The following TTBK2 variants were observed in gnomAD, a reference collection of about 807,000 sequenced individuals.
TTBK2 encodes tau-tubulin kinase 2.
Under a neutral mutation model 110.8 loss-of-function variants are expected in TTBK2, and 28 were observed. That is an observed-to-expected ratio of 0.25 (90% CI 0.19 to 0.35). The LOEUF (loss-of-function observed/expected upper bound fraction) is 0.35, where lower values mean the gene tolerates loss of function less well. TTBK2 is among the 10% of genes least tolerant of loss of function. TTBK2 has a pLI of 1.00. For missense variants in TTBK2, 1,369 were observed against 1,500.3 expected, an observed-to-expected ratio of 0.91 and a Z score of 1.45; for synonymous variants, 532 against 527.3, an observed-to-expected ratio of 1.01 and a Z score of -0.12.
chr15:42,895,630 C>T (rs1895636973), intron 1 of TTBK2, among the ~76,000 whole-genome samples: 1 of 151,792 alleles, frequency 6.6e-6, no homozygotes, highest in African/African-American at 2.4e-5. Flanking sequence ...TTCCGCCTCC[C>T]GGGTTCACGC....
At position 42,819,802 on chromosome 15, in the gene TTBK2, C is replaced by T. The variant is rs372129023; in HGVS notation, c.538-2705G>A. 8.5e-5 allele frequency among the ~76,000 whole-genome samples: 13 copies of T among 152,262 alleles called. No individual in the cohort carries two copies. In the South Asian group the frequency reaches 1.9e-3, roughly 22 times the overall value. On this transcript the variant is annotated intron_variant, in intron 6 of 14. Coordinates refer to ENST00000267890, the MANE Select transcript of TTBK2 (RefSeq NM_173500.4). ...ACTATGAATCTTTTTTGGTAAATAA[C>T]GTTTCAGAGGTTGTACTTTTATTCA...
intron 13 of TTBK2, among the ~76,000 whole-genome samples, chr15:42,755,331 A>C (rs913602222): frequency 1.3e-5 from 2 of 152,330 alleles, no homozygotes; most frequent in Non-Finnish European, 2.9e-5. Flanking sequence ...TGGATTAGTC[A>C]TAGGAGATTT....
chr15:42,904,944 T>C (rs1272853738), intron 1 of TTBK2, among the ~76,000 whole-genome samples: 1 of 152,000 alleles, frequency 6.6e-6, no homozygotes, highest in East Asian at 1.9e-4. Flanking sequence ...CAATCTCGGC[T>C]CACTGCAACC....
intron 1 of TTBK2, among the ~76,000 whole-genome samples, chr15:42,910,707 T>A (rs1468238072): frequency 6.6e-6 from 1 of 152,110 alleles, no homozygotes; most frequent in African/African-American, 2.4e-5. Flanking sequence ...TGAGAACACA[T>A]AATACAAAAA....
chr15:42,772,681 C>T (rs1337792570), intron 13 of TTBK2, among the ~76,000 whole-genome samples: 1 of 152,144 alleles, frequency 6.6e-6, no homozygotes, highest in Non-Finnish European at 1.5e-5. Context: ...TACAGTGGCT[C>T]ATGTCTATAA....
intron 9 of TTBK2, chr15:42,802,395 C>T: frequency 1.3e-6 from 1 of 753,488 alleles, no homozygotes; most frequent in Non-Finnish European, 2.4e-6. Flanking sequence ...TCCGGGTCAC[C>T]CTGATGGACA....
Position 42,754,550 on chromosome 15 carries a change from C to A in TTBK2, c.1999-1303G>T, listed in dbSNP as rs1403896755. On this transcript the variant is annotated intron_variant, in intron 13 of 14. Coordinates refer to ENST00000267890, the MANE Select transcript of TTBK2 (RefSeq NM_173500.4). ...TATCTGGGATTACAGGTGCCCACCA[C>A]TATGCCCAGCTAATTTCTGTATTTT... Among the ~76,000 whole-genome samples the A allele has an allele frequency of 3.3e-5, 5 of 151,508 alleles. No individual in the cohort carries two copies. The East Asian group carries it at 9.9e-4, about 30-fold the overall frequency.
At chr15:42,777,543 G>A (rs1730128612) in intron 11 of TTBK2, among the ~76,000 whole-genome samples, 1 of 152,178 alleles carries the variant, frequency 6.6e-6, no homozygotes, top group African/African-American at 2.4e-5. Flanking sequence ...CATGAGGCTT[G>A]TAGTATCCCA....
In TTBK2 at chr15:42,741,871, G is replaced by C. The variant is rs1159931134; in HGVS notation, c.*3924C>G. Reference sequence around the variant, plus strand: ...TTCCTAATGTTAGGAATGTAGAACTGTCTGCTCTTGGGGAAAAAAAAAGCA... The same window carrying C: ...TTCCTAATGTTAGGAATGTAGAACTCTCTGCTCTTGGGGAAAAAAAAAGCA... On this transcript the variant is annotated 3_prime_UTR_variant, in exon 15 of 15. Coordinates refer to ENST00000267890, the MANE Select transcript of TTBK2 (RefSeq NM_173500.4). 1 of 152,020 alleles carries C rather than the reference G, an allele frequency of 6.6e-6. No homozygotes were observed. Among genetic ancestry groups the C allele is most frequent in the Non-Finnish European group, 1.5e-5 (1 of 68,018 alleles). The allele number at this position is 152,020 out of a possible 1,614,324, so 9.4% of individuals were successfully genotyped here. A position where few individuals can be genotyped will look rare whatever the true frequency, so the allele number is the denominator to read the frequency against.
At position 42,745,934 on chromosome 15, in the gene TTBK2, G is replaced by C. The variant is rs375039510; in HGVS notation, c.3596C>G (p.Ser1199Cys). The C allele has an allele frequency of 1.9e-6, 3 of 1,614,122 alleles. No homozygotes were observed. The change falls in exon 15 of 15, where the codon TCC (serine) becomes TGC (cysteine). Residue 1199 changes from serine (S) to cysteine (C), a missense_variant. Physicochemically the swap from Ser to Cys is moderately radical, Grantham distance 112. This residue lies in a region of TTBK2 where 1,097 missense variants were observed against 1,114.7 expected (regional missense o/e 0.98). Transcript: ENST00000267890. Reference protein sequence around the residue: ...KSPPSHSGSSSSRRSCQQEHC... With the variant: ...KSPPSHSGSSCSRRSCQQEHC... ...CTCCTGTTGGCAGGACCTCCTGGAGGAGGAAGATCCTGAGTGGCTGGGAGG... is the reference window on the plus strand; with the variant it reads ...CTCCTGTTGGCAGGACCTCCTGGAGCAGGAAGATCCTGAGTGGCTGGGAGG...
intron 14 of TTBK2, among the ~76,000 whole-genome samples, chr15:42,748,597 G>A (rs1479684760): frequency 6.6e-6 from 1 of 151,996 alleles, no homozygotes; most frequent in Non-Finnish European, 1.5e-5. Context: ...AATTCTTGTA[G>A]AGATGAGGTT....
chr15:42,875,905 CAAAAAAAAAAAAAA>C (rs57982301), intron 2 of TTBK2, among the ~76,000 whole-genome samples: 13 of 56,880 alleles, frequency 2.3e-4, no homozygotes, highest in Admixed American at 4.5e-4. Flanking sequence ...GACTCCGTCT[CAAAAAAAAAAAAAA>C]AAAAAAAAGA....
rs1891942970 is a variant in TTBK2, at chr15:42,815,931, A to AATATATATATTTAAAAAT, written c.603+1100_603+1101insATTTTTAAATATATATAT. Among the ~76,000 whole-genome samples, 10 of 50,564 alleles carry AATATATATATTTAAAAAT rather than the reference A, an allele frequency of 2.0e-4. No homozygotes were observed. In the East Asian group the frequency reaches 6.4e-3, roughly 32 times the overall value. 33.2% of individuals were successfully genotyped at this position (50,564 alleles called of 152,430 possible). A position where few individuals can be genotyped will look rare whatever the true frequency, so the allele number is the denominator to read the frequency against. On this transcript the variant is annotated intron_variant, in intron 7 of 14. Coordinates refer to ENST00000267890, the MANE Select transcript of TTBK2 (RefSeq NM_173500.4). The stretch of plus-strand genomic sequence containing the variant: ...ATTTAAAAATATATATATATTTAAA[A>AATATATATATTTAAAAAT]ATATATATATATATATTTAAAAAAA...
Position 42,752,092 on chromosome 15 carries a change from T to G in TTBK2, c.3154A>C (p.Lys1052Gln), listed in dbSNP as rs1213116095. 1.9e-6 allele frequency: 3 copies of G among 1,614,106 alleles called. No individual in the cohort carries two copies. In the South Asian group the frequency reaches 3.3e-5, roughly 18 times the overall value. ...ACCCATGAAACTGGCCTTGGAATTT[T>G]GCTCTTTCTAGACTGGGAGATGATG... Reference protein sequence around the residue: ...SPIISQSRKSKIPRPVSWVNT... With the variant: ...SPIISQSRKSQIPRPVSWVNT... Residue 1052 changes from lysine to glutamine, a missense_variant, in exon 14 of 15, where the codon AAA becomes CAA. Around this residue, in one of 4 missense-constraint regions of TTBK2, gnomAD observed 1,097 missense variants for 1,114.7 expected, o/e 0.98. Coordinates refer to ENST00000267890, the MANE Select transcript of TTBK2 (RefSeq NM_173500.4).
chr15:42,801,393 C>T (rs757544489), intron 9 of TTBK2: 20 of 1,271,154 alleles, frequency 1.6e-5, no homozygotes, highest in Admixed American at 3.4e-5. Context: ...TAGCTCCCCA[C>T]GCTGCTCGGT....
intron 1 of TTBK2, among the ~76,000 whole-genome samples, chr15:42,914,188 G>A (rs1024023527): frequency 8.5e-5 from 13 of 152,074 alleles, no homozygotes; most frequent in Admixed American, 3.9e-4. Context: ...ATATTGGCCA[G>A]GCTAGTCTCA....
At chr15:42,847,011 T>C (rs1406494299) in intron 3 of TTBK2, among the ~76,000 whole-genome samples, 1 of 152,166 alleles carries the variant, frequency 6.6e-6, no homozygotes, top group Non-Finnish European at 1.5e-5. Flanking sequence ...TTTTGCAATA[T>C]CCTTTTTAAT....
At chr15:42,882,231 A>T (rs1382852391) in intron 1 of TTBK2, among the ~76,000 whole-genome samples, 1 of 152,088 alleles carries the variant, frequency 6.6e-6, no homozygotes, top group Non-Finnish European at 1.5e-5. Flanking sequence ...ACACACACAC[A>T]CACAAAAACA....
chr15:42,804,457 A>G (rs1891370542), intron 9 of TTBK2, among the ~76,000 whole-genome samples: 1 of 152,010 alleles, frequency 6.6e-6, no homozygotes, highest in Admixed American at 6.6e-5. Flanking sequence ...AAAAAAAAAA[A>G]TCTTAACAAC....
Sources: allele counts gnomAD v4.1 joint callset (sites outside exome capture counted in the v4.1 genomes callset), GRCh38; gene constraint gnomAD v4.1.1; regional missense constraint gnomAD v4.1.1; transcripts MANE v1.5; gene names NCBI Gene and HGNC (gene_info 2026-07-23, HGNC 2026-07-21).